Variants in ADK observed in about 807,000 individuals in gnomAD.
ADK encodes adenosine kinase.
Under a neutral mutation model 44.7 loss-of-function variants are expected in ADK, and 24 were observed. The observed-to-expected ratio is 0.54, with a 90% CI of 0.39 to 0.76. The LOEUF is 0.76. ADK is among the 30% of genes least tolerant of loss of function. ADK has a pLI of 0.00. For synonymous variants in ADK, 128 were observed against 142.6 expected, an observed-to-expected ratio of 0.90 and a Z score of 0.73; for missense variants, 321 against 425.1, an observed-to-expected ratio of 0.76 and a Z score of 2.15.
At chr10:74,664,641 A>G (rs1329188508) in intron 9 of ADK, among the ~76,000 whole-genome samples, 1 of 152,060 alleles carries the variant, frequency 6.6e-6, no homozygotes, top group Non-Finnish European at 1.5e-5. Flanking sequence ...TCAGGAGTTC[A>G]AGACCAGTCT....
intron 7 of ADK, among the ~76,000 whole-genome samples, chr10:74,575,691 C>G (rs775649786): frequency 6.6e-6 from 1 of 151,990 alleles, no homozygotes. Flanking sequence ...GGGCAGGTTA[C>G]GAAGGACCTC....
intron 6 of ADK, among the ~76,000 whole-genome samples, chr10:74,420,841 A>G (rs953112489): frequency 6.6e-6 from 1 of 152,060 alleles, no homozygotes; most frequent in Admixed American, 6.6e-5. Flanking sequence ...TAATTTTTGC[A>G]TCTTAATTTT....
intron 2 of ADK, among the ~76,000 whole-genome samples, chr10:74,222,313 A>G (rs1370915676): frequency 6.6e-6 from 1 of 152,080 alleles, no homozygotes; most frequent in Non-Finnish European, 1.5e-5. Flanking sequence ...ACAGTGAGAT[A>G]TCATCTCACA....
intron 10 of ADK, among the ~76,000 whole-genome samples, chr10:74,678,562 A>G (rs148689022): frequency 2.0e-5 from 3 of 152,346 alleles, no homozygotes; most frequent in African/African-American, 4.8e-5. Flanking sequence ...AAAGGAGTTT[A>G]TCTTCTGGGA....
intron 9 of ADK, among the ~76,000 whole-genome samples, chr10:74,643,928 G>A (rs552390509): frequency 6.6e-6 from 1 of 152,210 alleles, no homozygotes; most frequent in African/African-American, 2.4e-5. Context: ...CATTACTCTT[G>A]ACAGACTGGG....
At chr10:74,473,929 G>A (rs1163055687) in intron 6 of ADK, among the ~76,000 whole-genome samples, 2 of 152,156 alleles carry the variant, frequency 1.3e-5, no homozygotes, top group Non-Finnish European at 2.9e-5. Context: ...GAGATATTAT[G>A]AAATTATGCA....
intron 4 of ADK, among the ~76,000 whole-genome samples, chr10:74,352,237 A>G (rs537028280): frequency 2.0e-5 from 3 of 152,276 alleles, no homozygotes; most frequent in East Asian, 1.9e-4. Flanking sequence ...ATATAGACCA[A>G]TGAAACAGAA....
chr10:74,639,973 A>G (rs1044672639), intron 9 of ADK, among the ~76,000 whole-genome samples: 2 of 152,262 alleles, frequency 1.3e-5, no homozygotes, highest in Non-Finnish European at 2.9e-5. Flanking sequence ...TTTAAAAAAC[A>G]TATCAGTTGT....
At chr10:74,372,254 G>C in intron 4 of ADK, 1 of 762,762 alleles carries the variant, frequency 1.3e-6, no homozygotes. Flanking sequence ...CTGCTACTCA[G>C]CCTGAGGTTG....
intron 4 of ADK, among the ~76,000 whole-genome samples, chr10:74,360,645 A>G (rs1842304032): frequency 6.6e-6 from 1 of 151,854 alleles, no homozygotes; most frequent in African/African-American, 2.4e-5. Context: ...TATATTTACT[A>G]TTGTTATATC....
chr10:74,415,834 A>T (rs559287257), intron 6 of ADK, among the ~76,000 whole-genome samples: 1 of 151,994 alleles, frequency 6.6e-6, no homozygotes, highest in Non-Finnish European at 1.5e-5. Context: ...ACTACAAATG[A>T]TGCAATTGTT....
intron 7 of ADK, among the ~76,000 whole-genome samples, chr10:74,531,728 C>T (rs1849297870): frequency 6.6e-6 from 1 of 152,152 alleles, no homozygotes; most frequent in Middle Eastern, 3.4e-3. Flanking sequence ...GAGGAGGTCT[C>T]GTTTTGTTGC....
intron 4 of ADK, among the ~76,000 whole-genome samples, chr10:74,344,213 T>C (rs1383690247): frequency 2.0e-5 from 3 of 152,222 alleles, no homozygotes; most frequent in Non-Finnish European, 2.9e-5. Context: ...GGGAGATGTC[T>C]TCCCTCTTCT....
At chr10:74,329,669 G>C (rs890790383) in intron 4 of ADK, among the ~76,000 whole-genome samples, 1 of 152,150 alleles carries the variant, frequency 6.6e-6, no homozygotes, top group East Asian at 1.9e-4. Flanking sequence ...GTTGCAGGTG[G>C]CATGTATTTT....
chr10:74,442,665 T>A (rs900553658), intron 6 of ADK, among the ~76,000 whole-genome samples: 4 of 151,818 alleles, frequency 2.6e-5, no homozygotes, highest in African/African-American at 9.7e-5. Context: ...AAATAAATAA[T>A]TAAATAAACG....
At chr10:74,418,572 A>G (rs1317634535) in intron 6 of ADK, among the ~76,000 whole-genome samples, 7 of 152,218 alleles carry the variant, frequency 4.6e-5, no homozygotes, top group Admixed American at 2.6e-4. Flanking sequence ...GATTTAAAAG[A>G]GAAAAAAGTG....
intron 10 of ADK, among the ~76,000 whole-genome samples, chr10:74,693,647 G>A (rs1413466834): frequency 6.6e-6 from 1 of 152,152 alleles, no homozygotes; most frequent in African/African-American, 2.4e-5. Context: ...GATTTACTTG[G>A]TATATAGCTT....
chr10:74,702,735 A>T (rs1025597136), intron 10 of ADK, among the ~76,000 whole-genome samples: 2 of 151,702 alleles, frequency 1.3e-5, no homozygotes. Flanking sequence ...AGTAGCTGGG[A>T]TTACAAGCAA....
intron 10 of ADK, among the ~76,000 whole-genome samples, chr10:74,684,601 A>G (rs913001344): frequency 6.6e-6 from 1 of 152,166 alleles, no homozygotes; most frequent in Admixed American, 6.5e-5. Flanking sequence ...TGAGACTCCC[A>G]TGTCTACAAA....
Sources: allele counts gnomAD v4.1 joint callset (sites outside exome capture counted in the v4.1 genomes callset), GRCh38; gene constraint gnomAD v4.1.1; transcripts MANE v1.5; gene names NCBI Gene and HGNC (gene_info 2026-07-23, HGNC 2026-07-21).